The following OLA1 variants were observed in gnomAD, a reference collection of about 807,000 sequenced individuals.
The protein encoded by OLA1 is Obg like ATPase 1.
A neutral mutation model predicts 48.4 loss-of-function variants in OLA1; 14 were observed. The ratio of observed to expected loss-of-function variants is 0.29; its 90% CI spans 0.19 to 0.45. The LOEUF (loss-of-function observed/expected upper bound fraction) is 0.45. Ranked by LOEUF, OLA1 falls within the 20% of genes least tolerant of loss-of-function variation. The probability of loss-of-function intolerance (pLI) is 1.00; values close to 1 mark genes in which losing one functional copy is unlikely to be tolerated. For synonymous variants in OLA1, 127 were observed against 150.4 expected, an observed-to-expected ratio of 0.84 and a Z score of 1.14; for missense variants, 325 against 467.1, an observed-to-expected ratio of 0.70 and a Z score of 2.80.
rs766330169 is a variant in OLA1, at chr2:174,223,097, C to A, written c.309G>T (p.Gly103=). 4 of 1,613,730 alleles carry A rather than the reference C, an allele frequency of 2.5e-6. No homozygotes were observed. Among genetic ancestry groups the A allele is most frequent in the Non-Finnish European group, 3.4e-6 (4 of 1,179,778 alleles). Residue 103 remains glycine, a synonymous_variant, in exon 4 of 11, where the codon GGG becomes GGT. Coordinates refer to ENST00000284719, the MANE Select transcript of OLA1 (RefSeq NM_013341.5). The part of the protein sequence containing the change: ...IAGLVKGAHN[G]QGLGNAFLSH... ...ATAAAAAAGCATTCCCCAGGCCCTGCCCATTGTGAGCTCCTTTCACAAGGC... is the reference window on the plus strand; with the variant it reads ...ATAAAAAAGCATTCCCCAGGCCCTGACCATTGTGAGCTCCTTTCACAAGGC...
chr2:174,174,926 A>G (rs1291971695), intron 4 of OLA1, among the ~76,000 whole-genome samples: 3 of 152,060 alleles, frequency 2.0e-5, no homozygotes, highest in Non-Finnish European at 2.9e-5. Context: ...AAATAGATCA[A>G]TGGAACAGAA....
intron 4 of OLA1, among the ~76,000 whole-genome samples, chr2:174,195,253 C>T (rs968418945): frequency 6.6e-6 from 1 of 151,874 alleles, no homozygotes; most frequent in Non-Finnish European, 1.5e-5. Flanking sequence ...AAAAAAATCA[C>T]TGCTGTAATT....
intron 10 of OLA1, 77 bp from the exon 11 acceptor site, chr2:174,075,604 T>C (rs753461833): frequency 4.7e-6 from 4 of 850,544 alleles, no homozygotes; most frequent in Non-Finnish European, 5.8e-6. Flanking sequence ...GCAGCAGATA[T>C]AAAAAGTATT....
chr2:174,137,307 A>G (rs1170873465), intron 5 of OLA1, among the ~76,000 whole-genome samples: 2 of 152,170 alleles, frequency 1.3e-5, no homozygotes, highest in Non-Finnish European at 2.9e-5. Flanking sequence ...TATTCAGTGA[A>G]CCATGCTGTA....
intron 7 of OLA1, among the ~76,000 whole-genome samples, chr2:174,087,710 T>C (rs1217538857): frequency 2.0e-5 from 3 of 152,194 alleles, no homozygotes; most frequent in African/African-American, 7.2e-5. Context: ...GAAATAGTTT[T>C]CTCCAGCATA....
At chr2:174,133,227 A>G (rs1207069769) in intron 5 of OLA1, among the ~76,000 whole-genome samples, 1 of 152,210 alleles carries the variant, frequency 6.6e-6, no homozygotes, top group Non-Finnish European at 1.5e-5. Context: ...CGTTCGATTT[A>G]AGATTTTTTA....
chr2:174,077,164 G>A (rs1201856337), intron 10 of OLA1, among the ~76,000 whole-genome samples: 1 of 152,090 alleles, frequency 6.6e-6, no homozygotes, highest in Non-Finnish European at 1.5e-5. Flanking sequence ...ATTTGCACTT[G>A]AAAGCAGCCA....
At chr2:174,223,858 G>C (rs1389487995) in intron 3 of OLA1, among the ~76,000 whole-genome samples, 1 of 150,822 alleles carries the variant, frequency 6.6e-6, no homozygotes, top group African/African-American at 2.4e-5. Context: ...ACCAAATTAG[G>C]CTATATACAA....
chr2:174,075,571 C>A, intron 10 of OLA1, 44 bp from the exon 11 acceptor site: 1 of 1,158,730 alleles, frequency 8.6e-7, no homozygotes. Context: ...TAGTTTACAA[C>A]TAAATACATG....
chr2:174,156,087 G>A (rs1039351210), intron 4 of OLA1, among the ~76,000 whole-genome samples: 6 of 152,090 alleles, frequency 3.9e-5, no homozygotes, highest in Admixed American at 3.3e-4. Flanking sequence ...AACAGCTTAG[G>A]ACAGGACCTC....
intron 7 of OLA1, among the ~76,000 whole-genome samples, chr2:174,101,207 A>G (rs1448399397): frequency 6.6e-6 from 1 of 152,148 alleles, no homozygotes; most frequent in African/African-American, 2.4e-5. Context: ...CATTTTAGCC[A>G]TTCTATTAAG....
At chr2:174,242,869 T>C (rs1487060257) in intron 2 of OLA1, among the ~76,000 whole-genome samples, 1 of 152,200 alleles carries the variant, frequency 6.6e-6, no homozygotes, top group African/African-American at 2.4e-5. Flanking sequence ...GAAAAAGCAG[T>C]ACAGAACTAG....
chr2:174,230,889 GA>G (rs1436907610), intron 2 of OLA1, among the ~76,000 whole-genome samples: 1 of 152,136 alleles, frequency 6.6e-6, no homozygotes, highest in Non-Finnish European at 1.5e-5. Context: ...TTCTGAAAAT[GA>G]AAACAAAAAA....
intron 4 of OLA1, among the ~76,000 whole-genome samples, chr2:174,190,023 C>A (rs1281583320): frequency 1.3e-5 from 2 of 151,994 alleles, no homozygotes; most frequent in Non-Finnish European, 2.9e-5. Flanking sequence ...CTGTGGAGGC[C>A]CTCCAGGAGA....
At chr2:174,086,281 T>C (rs1394917833) in intron 7 of OLA1, among the ~76,000 whole-genome samples, 1 of 152,182 alleles carries the variant, frequency 6.6e-6, no homozygotes, top group African/African-American at 2.4e-5. Context: ...GTCATGGAAA[T>C]GACAGCTTCT....
At chr2:174,213,222 G>A (rs888370480) in intron 4 of OLA1, among the ~76,000 whole-genome samples, 2 of 151,922 alleles carry the variant, frequency 1.3e-5, no homozygotes, top group African/African-American at 2.4e-5. Flanking sequence ...CCTACTATAC[G>A]TTTCTAAACC....
intron 7 of OLA1, among the ~76,000 whole-genome samples, chr2:174,121,750 G>A (rs957900119): frequency 5.3e-5 from 8 of 152,142 alleles, no homozygotes; most frequent in East Asian, 1.9e-4. Flanking sequence ...ACAGACTGGC[G>A]TCTCCTAAGC....
chr2:174,078,062 C>A (rs962066801), intron 10 of OLA1, among the ~76,000 whole-genome samples: 3 of 151,948 alleles, frequency 2.0e-5, no homozygotes, highest in African/African-American at 7.2e-5. Flanking sequence ...AAGATTTTCC[C>A]CCTCCTCTTC....
chr2:174,228,473 T>C (rs1318922723), intron 3 of OLA1, among the ~76,000 whole-genome samples: 1 of 152,166 alleles, frequency 6.6e-6, no homozygotes, highest in African/African-American at 2.4e-5. Context: ...TTTACAACTG[T>C]TATATCAAGG....
Sources: allele counts gnomAD v4.1 joint callset (sites outside exome capture counted in the v4.1 genomes callset), GRCh38; gene constraint gnomAD v4.1.1; transcripts MANE v1.5; gene names NCBI Gene and HGNC (gene_info 2026-07-23, HGNC 2026-07-21).